The following P4HA3 variants were observed in gnomAD, a reference collection of about 807,000 sequenced individuals.
The protein encoded by P4HA3 is prolyl 4-hydroxylase subunit alpha-3.
Under a neutral mutation model 66.7 loss-of-function variants are expected in P4HA3, and 60 were observed. The ratio of observed to expected loss-of-function variants is 0.90; its 90% CI spans 0.73 to 1.12. P4HA3 has a LOEUF of 1.12. Among genes scored for constraint, P4HA3 ranks in the 50% most tolerant of loss-of-function variants. P4HA3 has a pLI of 0.00. For missense variants in P4HA3, 683 were observed against 685.8 expected (o/e 1.00, Z 0.05); for synonymous variants, 263 against 274.6 (o/e 0.96, Z 0.42).
chr11:74,255,401 C>CT (rs993480246), intron 15 of P4HA3, among the ~76,000 whole-genome samples: 1 of 152,194 alleles, frequency 6.6e-6, no homozygotes, highest in Non-Finnish European at 1.5e-5. Context: ...CTCCTCCCCC[C>CT]TGGGTGGTCC....
In P4HA3 at chr11:74,256,747, A is replaced by G. The variant is rs17132886; in HGVS notation, c.*1318+3176T>C. The stretch of plus-strand genomic sequence containing the variant: ...CCAAAGGCCCTGTCACATAGACACT[A>G]GTGAAAGTCCAAGGGAAACTCCTTC... On this transcript the variant is annotated intron_variant and NMD_transcript_variant, in intron 15 of 15. Transcript: ENST00000524388. Among the ~76,000 whole-genome samples the G allele has an allele frequency of 8.1e-4, 123 of 152,312 alleles. 1 individual carries two copies. The East Asian group carries it at 0.019, about 24-fold the overall frequency.
chr11:74,273,801 A>G (rs1860292450), intron 9 of P4HA3, among the ~76,000 whole-genome samples, 194 bp from the exon 10 acceptor site: 1 of 151,584 alleles, frequency 6.6e-6, no homozygotes, highest in Admixed American at 6.6e-5. Flanking sequence ...TTACTAATTT[A>G]TTAGATACTT....
At chr11:74,265,597 T>G (rs1484190198), downstream of P4HA3, among the ~76,000 whole-genome samples, 1 of 152,246 alleles carries the variant, frequency 6.6e-6, no homozygotes, top group Non-Finnish European at 1.5e-5. Flanking sequence ...CACCCATCCA[T>G]GTAGCCTTAG....
At chr11:74,303,943 G>C (rs992658002) in intron 2 of P4HA3, among the ~76,000 whole-genome samples, 2 of 152,056 alleles carry the variant, frequency 1.3e-5, no homozygotes, top group Admixed American at 6.6e-5. Context: ...TGCTATAGAT[G>C]ACACTGTAGT....
rs774871902 is a variant in P4HA3, at chr11:74,285,767, A to G, written c.1110+42T>C. 2.5e-6 allele frequency: 4 copies of G among 1,587,246 alleles called. No homozygotes were observed. In the South Asian group the frequency reaches 4.5e-5, roughly 18 times the overall value. The stretch of plus-strand genomic sequence containing the variant: ...TACACTCCTGAACTCCAGGCATGTG[A>G]AGATGAAAGAGAAATTCTTGGCGGG... On this transcript the variant is annotated intron_variant, in intron 7 of 12. Transcript: ENST00000331597.
chr11:74,304,822 G>T (rs1321763437), intron 1 of P4HA3, among the ~76,000 whole-genome samples: 2 of 152,064 alleles, frequency 1.3e-5, no homozygotes, highest in African/African-American at 4.8e-5. Flanking sequence ...CTATATAGTG[G>T]TCCCCAACCT....
At chr11:74,267,448 G>T in intron 12 of P4HA3, 130 bp from the exon 13 acceptor site, 2 of 1,137,246 alleles carry the variant, frequency 1.8e-6, no homozygotes, top group Non-Finnish European at 2.5e-6. Context: ...TAACTCACTT[G>T]CCCAGCCTAG....
At chr11:74,292,217 G>C (rs538815736) in intron 4 of P4HA3, among the ~76,000 whole-genome samples, 1 of 152,148 alleles carries the variant, frequency 6.6e-6, no homozygotes, top group South Asian at 2.1e-4. Context: ...CTCTAGATTT[G>C]ATAGTTTATT....
chr11:74,297,626 C>T lies in P4HA3; in HGVS notation c.717+586G>A, dbSNP rs1027713107. ...AAATGAACTTCTATATAAGGCACAA[C>T]AGGGAGTAAGTAGATCAACAGTGCC... On this transcript the variant is annotated intron_variant, in intron 4 of 12. Transcript: ENST00000331597. 2.6e-5 allele frequency among the ~76,000 whole-genome samples: 4 copies of T among 152,138 alleles called. No homozygotes were observed. The South Asian group carries it at 8.3e-4, about 31-fold the overall frequency.
At chr11:74,304,691 G>A (rs149419462) in intron 1 of P4HA3, among the ~76,000 whole-genome samples, 4 of 152,148 alleles carry the variant, frequency 2.6e-5, no homozygotes, top group African/African-American at 9.6e-5. Flanking sequence ...GGCAAGACAG[G>A]GTCCAGCTCT....
intron 12 of P4HA3, among the ~76,000 whole-genome samples, chr11:74,267,872 C>A (rs1047133970): frequency 1.3e-5 from 2 of 152,162 alleles, no homozygotes; most frequent in Admixed American, 1.3e-4. Context: ...GGATGGGACA[C>A]CATATTCCTC....
intron 15 of P4HA3, chr11:74,251,534 C>A: frequency 6.6e-7 from 1 of 1,510,760 alleles, no homozygotes; most frequent in Non-Finnish European, 8.8e-7. Context: ...CCACTCAGAC[C>A]TGTGGGTGGG....
chr11:74,296,528 G>A (rs78736287), intron 4 of P4HA3, among the ~76,000 whole-genome samples: 2 of 152,264 alleles, frequency 1.3e-5, no homozygotes, highest in African/African-American at 4.8e-5. Flanking sequence ...AAAACATGCT[G>A]TAAGACCACC....
chr11:74,283,858 A>G (rs1487011789), intron 7 of P4HA3, among the ~76,000 whole-genome samples: 1 of 152,110 alleles, frequency 6.6e-6, no homozygotes, highest in Non-Finnish European at 1.5e-5. Flanking sequence ...CCTTTTCTTT[A>G]GAGGAAGCCT....
chr11:74,308,725 G>T (rs1198243703), intron 1 of P4HA3, among the ~76,000 whole-genome samples: 1 of 152,024 alleles, frequency 6.6e-6, no homozygotes, highest in Admixed American at 6.5e-5. Context: ...AATACTTAGA[G>T]CCAAAAGTGG....
chr11:74,287,036 A>T, intron 5 of P4HA3: 7 of 1,051,738 alleles, frequency 6.7e-6, no homozygotes, highest in Non-Finnish European at 8.3e-6. Flanking sequence ...GCGCAGAGGG[A>T]CTCTAGACTT....
Position 74,303,907 on chromosome 11 carries a change from A to C in P4HA3, c.343+363T>G, listed in dbSNP as rs114271177. On this transcript the variant is annotated intron_variant, in intron 2 of 12. Coordinates refer to ENST00000331597, the MANE Select transcript of P4HA3 (RefSeq NM_182904.5). Reference sequence around the variant, plus strand: ...CGTCAACAAACTTCTTACAGCACAAAGTAGAATAAATTAGGAAAGTGATCT... The same window carrying C: ...CGTCAACAAACTTCTTACAGCACAACGTAGAATAAATTAGGAAAGTGATCT... 1.5e-3 allele frequency among the ~76,000 whole-genome samples: 234 copies of C among 152,216 alleles called. 2 individuals carry two copies. The highest frequency in any genetic ancestry group is 5.3e-3 in the African/African-American group (221 of 41,536).
intron 4 of P4HA3, among the ~76,000 whole-genome samples, chr11:74,292,352 C>G (rs1199525360): frequency 7.2e-5 from 11 of 151,906 alleles, no homozygotes; most frequent in Non-Finnish European, 1.5e-4. Flanking sequence ...CTTTATTATT[C>G]TTGCTAGCGG....
At position 74,287,375 on chromosome 11, in the gene P4HA3, T is replaced by A. The variant is rs143920502; in HGVS notation, c.770-984A>T. 2.4e-6 allele frequency: 3 copies of A among 1,233,308 alleles called. No homozygotes were observed. The African/African-American group carries it at 4.6e-5, about 19-fold the overall frequency. 76.4% of individuals were successfully genotyped at this position (1,233,308 alleles called of 1,614,324 possible). ...GTGAAGTTTTGGAGAATGGAAATTA[T>A]AAGCCCAAACCCCAGTGAAAATATT... On this transcript the variant is annotated intron_variant, in intron 5 of 12. Coordinates refer to ENST00000331597, the MANE Select transcript of P4HA3 (RefSeq NM_182904.5).
Sources: allele counts gnomAD v4.1 joint callset (sites outside exome capture counted in the v4.1 genomes callset), GRCh38; gene constraint gnomAD v4.1.1; transcripts MANE v1.5; gene names NCBI Gene and HGNC (gene_info 2026-07-23, HGNC 2026-07-21).